Variants in C1orf141 observed in about 807,000 individuals in gnomAD.
C1orf141 encodes the protein uncharacterized protein C1orf141.
A neutral mutation model predicts 23.2 loss-of-function variants in C1orf141; 19 were observed. That is an observed-to-expected ratio of 0.82 (90% CI 0.57 to 1.20). The LOEUF is 1.20. Ranked by LOEUF, C1orf141 falls within the 50% of genes most tolerant of loss-of-function variation. The pLI, the probability that C1orf141 is intolerant of heterozygous loss-of-function variation, is 0.00. For synonymous variants in C1orf141, 153 were observed against 154.6 expected (o/e 0.99, Z 0.08); for missense variants, 469 against 455.1 (o/e 1.03, Z -0.28).
At position 67,093,041 on chromosome 1, in the gene C1orf141, C is replaced by G. The variant is rs1318424883; in HGVS notation, c.1167G>C (p.Leu389Phe). ...TTAAAATTTCATTTGATAAGTTTAA[C>G]AAATTATCCAGTGGCGTTACATTAT... is the stretch of plus-strand genomic sequence containing the variant. ...ELNNVTPLDN[L>F]LNLSNEILNA... Residue 389 changes from leucine to phenylalanine, a missense_variant, in exon 8 of 8, where the codon TTG becomes TTC. By Grantham distance (22) the Leu-to-Phe change is conservative. Coordinates refer to ENST00000684719, the MANE Select transcript of C1orf141 (RefSeq NM_001276351.2). 1 of 1,589,540 alleles carries G rather than the reference C, an allele frequency of 6.3e-7. No individual in the cohort carries two copies. Among genetic ancestry groups the G allele is most frequent in the Non-Finnish European group, 8.6e-7 (1 of 1,161,962 alleles).
chr1:67,100,953 G>GGGT (rs1645783549), intron 5 of C1orf141, among the ~76,000 whole-genome samples: 2 of 152,054 alleles, frequency 1.3e-5, no homozygotes, highest in Admixed American at 6.6e-5. Context: ...CATGACCCCA[G>GGGT]GGTGGTGGTG....
At chr1:67,135,887 A>G (rs1646580596), upstream of C1orf141, among the ~76,000 whole-genome samples, 5 of 118,462 alleles carry the variant, frequency 4.2e-5, no homozygotes, top group African/African-American at 1.6e-4. Context: ...AGTCTGTGCT[A>G]GTGGCAATGG....
At chr1:67,130,680 GT>G (rs138456435) in intron 2 of C1orf141, among the ~76,000 whole-genome samples, 2,617 of 152,278 alleles carry the variant, frequency 0.017, 86 homozygotes, top group African/African-American at 0.06. Context: ...GAAAATCACT[GT>G]GCAGATCATG....
At chr1:67,127,281 A>G (rs764338058) in intron 2 of C1orf141, 24 bp from the exon 3 acceptor site, 3 of 1,313,538 alleles carry the variant, frequency 2.3e-6, no homozygotes, top group Non-Finnish European at 3.2e-6. Flanking sequence ...AGGAGGAAGA[A>G]GAACAAATCA....
chr1:67,136,803 C>G (rs1268178802), upstream of C1orf141, among the ~76,000 whole-genome samples: 1 of 152,046 alleles, frequency 6.6e-6, no homozygotes, highest in Admixed American at 6.6e-5. Flanking sequence ...ATTAGTAATA[C>G]AATTATTAAT....
rs1646302073 is a variant in C1orf141, at chr1:67,121,682, G to A, written c.233+4070C>T. On this transcript the variant is annotated intron_variant, in intron 4 of 7. Transcript: ENST00000684719. ...CATAATTTAATTTTTAATGGTGAGT[G>A]TTTAATAAACATCTCACAAAATTGC... 3 of 152,174 alleles carry A rather than the reference G, an allele frequency of 2.0e-5. No individual in the cohort carries two copies. The South Asian group carries it at 6.2e-4, about 31-fold the overall frequency. 9.4% of individuals were successfully genotyped at this position (152,174 alleles called of 1,614,324 possible). A position where few individuals can be genotyped will look rare whatever the true frequency, so the allele number is the denominator to read the frequency against.
intron 5 of C1orf141, among the ~76,000 whole-genome samples, chr1:67,100,822 C>T (rs544324200): frequency 6.6e-6 from 1 of 152,222 alleles, no homozygotes; most frequent in South Asian, 2.1e-4. Flanking sequence ...ATCCAGATGT[C>T]GTTACCTTAT....
intron 2 of C1orf141, among the ~76,000 whole-genome samples, chr1:67,129,986 C>G (rs1265919532): frequency 6.6e-6 from 1 of 152,088 alleles, no homozygotes; most frequent in Non-Finnish European, 1.5e-5. Context: ...AGAGATTAGT[C>G]TCTATATTTT....
chr1:67,130,689 A>G (rs7515029), intron 2 of C1orf141, among the ~76,000 whole-genome samples: 8,250 of 152,306 alleles, frequency 0.054, 301 homozygotes, highest in African/African-American at 0.097. Flanking sequence ...TGTGCAGATC[A>G]TGAATTTTTT....
intron 5 of C1orf141, among the ~76,000 whole-genome samples, chr1:67,099,928 A>T (rs1472187794): frequency 6.6e-6 from 1 of 152,164 alleles, no homozygotes; most frequent in African/African-American, 2.4e-5. Context: ...TATTTGCTGC[A>T]CTTGTATAAG....
At chr1:67,128,708 G>GA (rs1010838923) in intron 2 of C1orf141, among the ~76,000 whole-genome samples, 91 of 147,980 alleles carry the variant, frequency 6.1e-4, no homozygotes, top group African/African-American at 2.0e-3. Flanking sequence ...GTCTCAAAAA[G>GA]AAAAAAAAAA....
intron 1 of C1orf141, among the ~76,000 whole-genome samples, chr1:67,139,976 T>C (rs1646620810): frequency 6.6e-6 from 1 of 152,130 alleles, no homozygotes; most frequent in Admixed American, 6.5e-5. Context: ...AAGAGAAACC[T>C]AAGCGAGCAA....
At chr1:67,132,874 AG>A (rs1646539906) in intron 1 of C1orf141, among the ~76,000 whole-genome samples, 1 of 152,234 alleles carries the variant, frequency 6.6e-6, no homozygotes, top group African/African-American at 2.4e-5. Context: ...CTAGCACAGT[AG>A]TGACAGTTTT....
intron 3 of C1orf141, among the ~76,000 whole-genome samples, 180 bp downstream of exon 3, chr1:67,126,986 A>G (rs956901884): frequency 6.6e-6 from 1 of 152,234 alleles, no homozygotes; most frequent in Admixed American, 6.5e-5. Flanking sequence ...GAAACTTTGT[A>G]CATCAGCAAT....
At chr1:67,098,632 A>C (rs1409715221) in intron 5 of C1orf141, among the ~76,000 whole-genome samples, 1 of 152,194 alleles carries the variant, frequency 6.6e-6, no homozygotes, top group Non-Finnish European at 1.5e-5. Context: ...AAATAACCTG[A>C]AAACCTTTGC....
chr1:67,105,455 A>G (rs1645904085), intron 5 of C1orf141, among the ~76,000 whole-genome samples: 1 of 152,144 alleles, frequency 6.6e-6, no homozygotes, highest in African/African-American at 2.4e-5. Flanking sequence ...AACATCTATC[A>G]CCACAATTAT....
chr1:67,109,321 C>T (rs565244247), intron 5 of C1orf141, among the ~76,000 whole-genome samples: 53 of 78,802 alleles, frequency 6.7e-4, no homozygotes, highest in African/African-American at 3.3e-3. Flanking sequence ...AGCGAGACTC[C>T]GTCTCAAAAA....
chr1:67,102,906 G>A (rs183350066), intron 5 of C1orf141: 1 of 166,854 alleles, frequency 6.0e-6, no homozygotes, highest in Non-Finnish European at 1.3e-5. Flanking sequence ...CAGGCAGTTG[G>A]ATTTTCTTTT....
Position 67,093,047 on chromosome 1 carries a change from A to T in C1orf141, c.1161T>A (p.Asp387Glu). The T allele has an allele frequency of 6.3e-7, 1 of 1,598,222 alleles. No individual in the cohort carries two copies. The highest frequency in any genetic ancestry group is 8.6e-7 in the Non-Finnish European group (1 of 1,167,140). ...IYELNNVTPL[D>E]NLLNLSNEIL... ...TTTCATTTGATAAGTTTAACAAATT[A>T]TCCAGTGGCGTTACATTATTTAGTT... Residue 387 changes from aspartate (D) to glutamate (E), a missense_variant, in exon 8 of 8, where the codon GAT becomes GAA. By Grantham distance (45) the Asp-to-Glu change is conservative. This residue lies in a region of C1orf141 where 370 missense variants were observed against 348.1 expected (regional missense o/e 1.06). Coordinates refer to ENST00000684719, the MANE Select transcript of C1orf141 (RefSeq NM_001276351.2).
Sources: allele counts gnomAD v4.1 joint callset (sites outside exome capture counted in the v4.1 genomes callset), GRCh38; gene constraint gnomAD v4.1.1; regional missense constraint gnomAD v4.1.1; transcripts MANE v1.5; gene names NCBI Gene and HGNC (gene_info 2026-07-23, HGNC 2026-07-21).